Variants in UGT1A9 observed in about 807,000 individuals in gnomAD.
The protein encoded by UGT1A9 is UDP glucuronosyltransferase family 1 member A9.
UGT1A9 carries 35 observed loss-of-function variants against 45.0 expected under a neutral mutation model. The ratio of observed to expected loss-of-function variants is 0.78; its 90% CI spans 0.59 to 1.03. UGT1A9 has a LOEUF of 1.03. Ranked by LOEUF, UGT1A9 falls within the 50% of genes least tolerant of loss-of-function variation. The pLI is 0.00. For synonymous variants in UGT1A9, 278 were observed against 250.6 expected, an observed-to-expected ratio of 1.11 and a Z score of -1.03; for missense variants, 687 against 666.6, an observed-to-expected ratio of 1.03 and a Z score of -0.34.
chr2:233,707,975 C>T (rs2075997873), intron 1 of UGT1A9, among the ~76,000 whole-genome samples: 1 of 152,082 alleles, frequency 6.6e-6, no homozygotes, highest in Admixed American at 6.5e-5. Flanking sequence ...AGTCTATTGC[C>T]CACTGGGTTG....
chr2:233,751,840 C>T (rs55891750), intron 1 of UGT1A9, among the ~76,000 whole-genome samples: 9,684 of 152,142 alleles, frequency 0.064, 535 homozygotes, highest in African/African-American at 0.14. Context: ...GGAACTGAGT[C>T]ATTTAAACCT....
intron 1 of UGT1A9, among the ~76,000 whole-genome samples, chr2:233,676,681 G>T (rs2074368074): frequency 6.6e-6 from 1 of 152,138 alleles, no homozygotes; most frequent in Admixed American, 6.5e-5. Flanking sequence ...GTCCTAGTCA[G>T]GTGTCCTGTA....
At chr2:233,733,635 C>T (rs2078423363) in intron 1 of UGT1A9, among the ~76,000 whole-genome samples, 1 of 152,186 alleles carries the variant, frequency 6.6e-6, no homozygotes, top group African/African-American at 2.4e-5. Flanking sequence ...TTGAACCAGC[C>T]TTGCATCCCA....
At chr2:233,714,435 T>C (rs1325584515) in intron 1 of UGT1A9, among the ~76,000 whole-genome samples, 1 of 152,078 alleles carries the variant, frequency 6.6e-6, no homozygotes, top group African/African-American at 2.4e-5. Context: ...AAACACAGAG[T>C]TCAGTTTCCA....
rs367754114 is a variant in UGT1A9 at position 233,752,975 on chromosome 2, T to G, written c.856-14059T>G. On this transcript the variant is annotated intron_variant, in intron 1 of 4. Coordinates refer to ENST00000354728, the MANE Select transcript of UGT1A9 (RefSeq NM_021027.3). ...AATGGGATTTATGTAACCAATTGTG[T>G]AGATACAAACCCACTCATTCTATCC... Among the ~76,000 whole-genome samples, 45 of 152,332 alleles carry G rather than the reference T, an allele frequency of 3.0e-4. 2 individuals carry two copies. In the East Asian group the frequency reaches 7.1e-3, roughly 24 times the overall value.
chr2:233,751,515 A>G (rs1261607058), intron 1 of UGT1A9, among the ~76,000 whole-genome samples: 1 of 152,234 alleles, frequency 6.6e-6, no homozygotes, highest in Non-Finnish European at 1.5e-5. Flanking sequence ...GCCAGAGGGC[A>G]GAATGATATG....
At chr2:233,755,288 C>T in intron 1 of UGT1A9, 1 of 652,734 alleles carries the variant, frequency 1.5e-6, no homozygotes, top group Non-Finnish European at 2.4e-6. Flanking sequence ...GCCAAAGAGC[C>T]TGCGGGGCAC....
chr2:233,721,642 T>A (rs1280370811), intron 1 of UGT1A9: 1 of 207,198 alleles, frequency 4.8e-6, no homozygotes. Context: ...ATCTTGAATG[T>A]GGCAGTGGGG....
chr2:233,692,633 C>T (rs969401857), intron 1 of UGT1A9, among the ~76,000 whole-genome samples: 2 of 152,124 alleles, frequency 1.3e-5, no homozygotes, highest in Non-Finnish European at 2.9e-5. Context: ...TAACAGACAA[C>T]GTCAATGATG....
intron 1 of UGT1A9, among the ~76,000 whole-genome samples, chr2:233,737,707 C>T (rs1200487929): frequency 6.6e-6 from 1 of 152,126 alleles, no homozygotes; most frequent in Non-Finnish European, 1.5e-5. Flanking sequence ...TTCCGTTCTC[C>T]TCTCCAACAC....
chr2:233,705,417 G>T (rs1339008416), intron 1 of UGT1A9, among the ~76,000 whole-genome samples: 2 of 152,146 alleles, frequency 1.3e-5, no homozygotes, highest in African/African-American at 4.8e-5. Context: ...TGTCTTCAGA[G>T]GTGGCTCATA....
chr2:233,763,191 T>C lies in UGT1A9; in HGVS notation c.856-3843T>C, dbSNP rs182750749. Among the ~76,000 whole-genome samples, 498 of 152,362 alleles carry C rather than the reference T, an allele frequency of 3.3e-3. 1 individual carries two copies. Among genetic ancestry groups the C allele is most frequent in the South Asian group, 5.6e-3 (27 of 4,830 alleles). ...GTTGACTACATATTTGTTGTTGCCT[T>C]GTTTGGTGCAGTCAGGCTTAGGTGT... is the stretch of plus-strand genomic sequence containing the variant. On this transcript the variant is annotated intron_variant, in intron 1 of 4. Coordinates refer to ENST00000354728, the MANE Select transcript of UGT1A9 (RefSeq NM_021027.3).
At chr2:233,685,139 G>A (rs1299501397) in intron 1 of UGT1A9, among the ~76,000 whole-genome samples, 2 of 152,112 alleles carry the variant, frequency 1.3e-5, no homozygotes, top group Non-Finnish European at 2.9e-5. Context: ...ATCCAGGGAT[G>A]TAATTAAATA....
chr2:233,744,723 G>C (rs187577100), intron 1 of UGT1A9, among the ~76,000 whole-genome samples: 1 of 151,758 alleles, frequency 6.6e-6, no homozygotes, highest in African/African-American at 2.4e-5. Context: ...AGAGAATGAC[G>C]GTGAAAAAAT....
chr2:233,681,530 C>CA (rs747693860), intron 1 of UGT1A9, among the ~76,000 whole-genome samples: 9,605 of 75,860 alleles, frequency 0.13, 659 homozygotes, highest in East Asian at 0.21. Context: ...GACTCCATCT[C>CA]AAAAAAAAAA....
At chr2:233,757,539 T>TATATACATATACATAC (rs762018928) in intron 1 of UGT1A9, among the ~76,000 whole-genome samples, 3 of 115,748 alleles carry the variant, frequency 2.6e-5, no homozygotes, top group Admixed American at 2.5e-4. Context: ...GTAAGGAATA[T>TATATACATATACATAC]ATATATATAT....
intron 1 of UGT1A9, among the ~76,000 whole-genome samples, chr2:233,706,103 A>AC (rs954125060): frequency 2.0e-5 from 3 of 152,178 alleles, no homozygotes; most frequent in South Asian, 4.2e-4. Flanking sequence ...TTAAAAAAAA[A>AC]CCAAGAATTT....
chr2:233,680,380 C>T (rs1457005127), intron 1 of UGT1A9, among the ~76,000 whole-genome samples: 1 of 152,172 alleles, frequency 6.6e-6, no homozygotes, highest in Non-Finnish European at 1.5e-5. Flanking sequence ...CTTTAGCTCC[C>T]TGCAATAGCA....
At chr2:233,748,394 G>T (rs1313890293) in intron 1 of UGT1A9, among the ~76,000 whole-genome samples, 1 of 151,804 alleles carries the variant, frequency 6.6e-6, no homozygotes, top group Non-Finnish European at 1.5e-5. Flanking sequence ...TTGGGAAGGA[G>T]CAGGGACACT....
Sources: allele counts gnomAD v4.1 joint callset (sites outside exome capture counted in the v4.1 genomes callset), GRCh38; gene constraint gnomAD v4.1.1; transcripts MANE v1.5; gene names NCBI Gene and HGNC (gene_info 2026-07-23, HGNC 2026-07-21).